The following DDX1 variants were observed in gnomAD, a reference collection of about 807,000 sequenced individuals.
DDX1 encodes ATP-dependent RNA helicase DDX1.
A neutral mutation model predicts 108.7 loss-of-function variants in DDX1; 28 were observed. The ratio of observed to expected loss-of-function variants is 0.26; its 90% CI spans 0.19 to 0.35. The LOEUF (loss-of-function observed/expected upper bound fraction) is 0.35. Ranked by LOEUF, DDX1 falls within the 10% of genes least tolerant of loss-of-function variation. The pLI is 1.00. For missense variants in DDX1, 710 were observed against 884.5 expected, an observed-to-expected ratio of 0.80 and a Z score of 2.50; for synonymous variants, 295 against 288.9, an observed-to-expected ratio of 1.02 and a Z score of -0.21.
At chr2:15,608,619 GC>G (rs1665704230) in intron 13 of DDX1, among the ~76,000 whole-genome samples, 1 of 145,396 alleles carries the variant, frequency 6.9e-6, no homozygotes, top group Non-Finnish European at 1.5e-5. Context: ...AATTTCAGAA[GC>G]TTTGAATATT....
At chr2:15,624,684 T>C (rs1307200911) in intron 19 of DDX1, among the ~76,000 whole-genome samples, 1 of 152,156 alleles carries the variant, frequency 6.6e-6, no homozygotes, top group Non-Finnish European at 1.5e-5. Context: ...GAGATTTGGA[T>C]GGAGACCCAG....
rs1346537625 is a variant in DDX1, at chr2:15,595,505, C to T, written c.84C>T (p.Ile28=). The part of the protein sequence containing the change: ...EEMDWLLPTD[I]QAESIPLILG... ...ATTCTTTTAGCCTCCCAACTGATATCCAGGCTGAATCTATCCCATTGATCT... is the reference window on the plus strand; with the variant it reads ...ATTCTTTTAGCCTCCCAACTGATATTCAGGCTGAATCTATCCCATTGATCT... The change falls in exon 3 of 26, where the codon ATC becomes ATT. Residue 28 remains isoleucine, a synonymous_variant. Coordinates refer to ENST00000233084, the MANE Select transcript of DDX1 (RefSeq NM_004939.3). 4.3e-6 allele frequency: 7 copies of T among 1,610,912 alleles called. No homozygotes were observed.
At position 15,620,333 on chromosome 2, in the gene DDX1, T is replaced by C. The variant is rs770450396; in HGVS notation, c.1332T>C (p.Val444=). Residue 444 remains valine (V), a synonymous_variant, in exon 17 of 26, where the codon GTT becomes GTC. Coordinates refer to ENST00000233084, the MANE Select transcript of DDX1 (RefSeq NM_004939.3). ...EDSVPDTVHH[V]VVPVNPKTDR... ...CTGTTCCAGATACTGTACACCATGTTGTTGTCCCAGTAAATCCCAAAACTG... is the reference window on the plus strand; with the variant it reads ...CTGTTCCAGATACTGTACACCATGTCGTTGTCCCAGTAAATCCCAAAACTG... 2 of 1,613,908 alleles carry C rather than the reference T, an allele frequency of 1.2e-6. No individual in the cohort carries two copies. The highest frequency in any genetic ancestry group is 2.7e-5 in the African/African-American group (2 of 74,920).
Position 15,623,429 on chromosome 2 carries a change from A to G in DDX1, c.1448-7A>G, listed in dbSNP as rs1666043351. 1.2e-6 allele frequency: 2 copies of G among 1,612,770 alleles called. No homozygotes were observed. Among genetic ancestry groups the G allele is most frequent in the Non-Finnish European group, 8.5e-7 (1 of 1,179,368 alleles). On this transcript the variant is annotated splice_polypyrimidine_tract_variant and splice_region_variant and intron_variant, in intron 18 of 25. Transcript: ENST00000233084. Reference sequence around the variant, plus strand: ...TGTTGGTTTTTGTTGTTGTTATGATATTCAAGAGATGTGGTCTGAAGCTAT... The same window carrying G: ...TGTTGGTTTTTGTTGTTGTTATGATGTTCAAGAGATGTGGTCTGAAGCTAT...
intron 7 of DDX1, among the ~76,000 whole-genome samples, 191 bp from the exon 8 acceptor site, chr2:15,603,001 A>G (rs1212196865): frequency 1.3e-5 from 2 of 152,208 alleles, no homozygotes; most frequent in South Asian, 2.1e-4. Context: ...GTGAGCCACT[A>G]TGCCTGGCCC....
chr2:15,610,207 AG>A (rs1665730024), intron 13 of DDX1, among the ~76,000 whole-genome samples: 1 of 152,214 alleles, frequency 6.6e-6, no homozygotes, highest in Non-Finnish European at 1.5e-5. Context: ...GCTGGATTAT[AG>A]GTGTGAGCTA....
chr2:15,603,417 C>T, intron 8 of DDX1, 142 bp downstream of exon 8: 2 of 647,470 alleles, frequency 3.1e-6, no homozygotes, highest in South Asian at 4.0e-5. Flanking sequence ...TGTACCCCAC[C>T]CTGTTCCAAA....
rs1365677041 is a variant in DDX1, at chr2:15,591,908, G to A, written c.-26G>A. ...CAGTCGGGAGGGAGGGAGCGAGCAG[G>A]CGAAGCCGCGGAGGACGGGGTGAAG... On this transcript the variant is annotated 5_prime_UTR_variant, in exon 1 of 26. Transcript: ENST00000233084. 1 of 1,464,674 alleles carries A rather than the reference G, an allele frequency of 6.8e-7. No individual in the cohort carries two copies. The highest frequency in any genetic ancestry group is 1.4e-5 in the South Asian group (1 of 73,686). 90.7% of individuals were successfully genotyped at this position (1,464,674 alleles called of 1,614,324 possible). A position where few individuals can be genotyped will look rare whatever the true frequency, so the allele number is the denominator to read the frequency against.
rs1191629610 is a variant in DDX1, at chr2:15,603,297, GAATT to G, written c.475+23_475+26del. 6 of 1,459,144 alleles carry G rather than the reference GAATT, an allele frequency of 4.1e-6. No individual in the cohort carries two copies. In the African/African-American group the frequency reaches 7.0e-5, roughly 17 times the overall value. 90.4% of individuals were successfully genotyped at this position (1,459,144 alleles called of 1,614,324 possible). On this transcript the variant is annotated intron_variant, in intron 8 of 25. Coordinates refer to ENST00000233084, the MANE Select transcript of DDX1 (RefSeq NM_004939.3). ...CTAGGTAAGTGTTTCTAAAATAACT[GAATT>G]GATTGATTTACATTTGGGGGATAAC...
chr2:15,629,688 C>G lies in DDX1; in HGVS notation c.1962C>G (p.Asn654Lys). 1 of 1,568,286 alleles carries G rather than the reference C, an allele frequency of 6.4e-7. No homozygotes were observed. Among genetic ancestry groups the G allele is most frequent in the South Asian group, 1.2e-5 (1 of 80,934 alleles). ...KEDGGCTIWYNEMQLLSEIEE... is the reference protein window; with the variant it reads ...KEDGGCTIWYKEMQLLSEIEE... ...ATGGAGGCTGTACCATATGGTACAA[C>G]GAGATGCAGGTAAGACTTCGAGTTA... Residue 654 changes from asparagine (N) to lysine (K), a missense_variant, in exon 24 of 26, where the codon AAC becomes AAG. By Grantham distance (94) the Asn-to-Lys change is moderately conservative (BLOSUM62 0). Transcript: ENST00000233084.
chr2:15,623,731 A>G (rs536096977), intron 19 of DDX1, 149 bp downstream of exon 19: 2 of 636,572 alleles, frequency 3.1e-6, no homozygotes, highest in South Asian at 2.5e-5. Flanking sequence ...GTACTTTTCC[A>G]TATGATAAGC....
chr2:15,608,773 C>T (rs1665711060), intron 13 of DDX1, among the ~76,000 whole-genome samples: 1 of 149,556 alleles, frequency 6.7e-6, no homozygotes, highest in South Asian at 2.2e-4. Context: ...CTCCTAGACT[C>T]AAGGAATTCT....
chr2:15,611,732 CG>C (rs1397841611), intron 13 of DDX1, among the ~76,000 whole-genome samples: 1 of 80,756 alleles, frequency 1.2e-5, no homozygotes, highest in African/African-American at 7.1e-5. Context: ...ACTGGCCGGG[CG>C]GGGGGCTGAC....
intron 13 of DDX1, among the ~76,000 whole-genome samples, chr2:15,607,570 T>C (rs753615007): frequency 5.3e-5 from 8 of 152,162 alleles, no homozygotes; most frequent in South Asian, 2.1e-4. Context: ...TCAAACAGCA[T>C]TGGAGTAAAA....
In DDX1 at chr2:15,616,401, CAACTCATAGGTAG is replaced by C. The variant is rs138700303; in HGVS notation, c.1018-838_1018-826del. Among the ~76,000 whole-genome samples, 2,521 of 152,260 alleles carry C rather than the reference CAACTCATAGGTAG, an allele frequency of 0.017. 115 individuals are homozygous for C. In the East Asian group the frequency reaches 0.22, roughly 13 times the overall value. ...ATTAAGTAACTTACCTAAGATCATA[CAACTCATAGGTAG>C]AACTTTACTCTGAAACCTGTGTGTC... On this transcript the variant is annotated intron_variant, in intron 14 of 25. Coordinates refer to ENST00000233084, the MANE Select transcript of DDX1 (RefSeq NM_004939.3).
At chr2:15,591,975 G>C (rs1237995575) in intron 1 of DDX1, 26 bp downstream of exon 1, 8 of 1,401,560 alleles carry the variant, frequency 5.7e-6, no homozygotes, top group Non-Finnish European at 7.4e-6. Flanking sequence ...CTCTGGGGGT[G>C]GTGGGGCGGC....
chr2:15,619,959 TCA>T (rs768457503), intron 16 of DDX1, among the ~76,000 whole-genome samples: 2 of 152,172 alleles, frequency 1.3e-5, no homozygotes, highest in African/African-American at 4.8e-5. Flanking sequence ...CAAAAATGAC[TCA>T]TTTTACTTAG....
intron 15 of DDX1, among the ~76,000 whole-genome samples, chr2:15,617,807 A>G (rs576804725): frequency 6.6e-6 from 1 of 152,342 alleles, no homozygotes; most frequent in East Asian, 1.9e-4. Flanking sequence ...TCTCTTAGAC[A>G]TACTTCCAAA....
chr2:15,628,708 A>G lies in DDX1; in HGVS notation c.1830A>G (p.Glu610=). The G allele has an allele frequency of 6.2e-7, 1 of 1,609,258 alleles. No homozygotes were observed. The highest frequency in any genetic ancestry group is 1.1e-5 in the South Asian group (1 of 90,812). Residue 610 remains glutamate, a splice_region_variant and synonymous_variant, in exon 22 of 26, where the codon GAA becomes GAG. Transcript: ENST00000233084. ...VHRIGRVGRA[E]RMGLAISLVA... Reference sequence around the variant, plus strand: ...GAATTGGCAGAGTAGGAAGAGCTGAAAGGTACTTCTGCAATTTTTTTTCCC... The same window carrying G: ...GAATTGGCAGAGTAGGAAGAGCTGAGAGGTACTTCTGCAATTTTTTTTCCC...
Sources: gnomAD v4.1 joint callset for allele counts (sites outside exome capture counted in the v4.1 genomes callset) on GRCh38, gnomAD v4.1.1 for gene constraint, MANE v1.5 for transcripts, NCBI Gene and HGNC (gene_info 2026-07-23, HGNC 2026-07-21) for gene names.